Variants in CROCC2 observed in about 807,000 individuals in gnomAD.
The protein encoded by CROCC2 is ciliary rootlet coiled-coil, rootletin family member 2.
CROCC2 carries 163 observed loss-of-function variants against 177.6 expected under a neutral mutation model. The ratio of observed to expected loss-of-function variants is 0.92; its 90% CI spans 0.81 to 1.05. The LOEUF is 1.05. CROCC2 is among the 50% of genes least tolerant of loss of function. CROCC2 has a pLI of 0.00. For missense variants in CROCC2, 1,929 were observed against 1,797.8 expected (o/e 1.07, Z -1.32); for synonymous variants, 904 against 787.3 (o/e 1.15, Z -2.48).
chr2:240,922,687 G>C, intron 4 of CROCC2, 42 bp downstream of exon 4: 1 of 536,598 alleles, frequency 1.9e-6, no homozygotes. Flanking sequence ...AGGAAGCACA[G>C]CCATCCCCCC....
At chr2:240,981,711 C>G (rs1559191005) in intron 27 of CROCC2, 2 of 152,118 alleles carry the variant, frequency 1.3e-5, no homozygotes, top group African/African-American at 4.8e-5. Flanking sequence ...CAAGCATTGT[C>G]TTCCTTCTTT....
In CROCC2 at chr2:240,925,733, C is replaced by T. The variant is rs575309452; in HGVS notation, c.498C>T (p.Gly166=). The stretch of plus-strand genomic sequence containing the variant: ...TGGGTTCTCTGTCCAGGAGCACCGG[C>T]CTCTGTCAGGTGAACGCGCTCCTGC... ...RLEAAEERST[G]LCQVNALLRE... is the part of the protein sequence containing the mutation. Residue 166 remains glycine (G), a synonymous_variant, in exon 5 of 32, where the codon GGC becomes GGT. Coordinates refer to ENST00000690015, the MANE Select transcript of CROCC2 (RefSeq NM_001351305.2). The T allele has an allele frequency of 1.4e-6, 1 of 715,876 alleles. No individual in the cohort carries two copies. Among genetic ancestry groups the T allele is most frequent in the Non-Finnish European group, 2.6e-6 (1 of 384,416 alleles). 44.3% of individuals were successfully genotyped at this position (715,876 alleles called of 1,614,324 possible).
intron 18 of CROCC2, among the ~76,000 whole-genome samples, chr2:240,952,531 G>A (rs1439396882): frequency 6.6e-6 from 1 of 152,256 alleles, no homozygotes; most frequent in African/African-American, 2.4e-5. Flanking sequence ...GGGCACTGAG[G>A]TCTGTGCTCT....
chr2:240,968,327 C>T (rs2059698764), intron 27 of CROCC2, 65 bp downstream of exon 27: 1 of 1,448,826 alleles, frequency 6.9e-7, no homozygotes. Flanking sequence ...GTCACCCTCA[C>T]ACCCTGCAGG....
At chr2:240,939,083 A>G (rs1486686942) in intron 14 of CROCC2, among the ~76,000 whole-genome samples, 1 of 152,182 alleles carries the variant, frequency 6.6e-6, no homozygotes, top group Admixed American at 6.5e-5. Flanking sequence ...CACCCAAGGC[A>G]ATCATGGGGA....
chr2:240,991,773 A>G (rs1225750265), intron 31 of CROCC2, among the ~76,000 whole-genome samples: 2 of 152,246 alleles, frequency 1.3e-5, no homozygotes, highest in Non-Finnish European at 2.9e-5. Context: ...AGGCCCTGTC[A>G]GGCTGGCTTC....
chr2:240,936,432 C>T (rs905892146), intron 14 of CROCC2, among the ~76,000 whole-genome samples: 44 of 152,174 alleles, frequency 2.9e-4, no homozygotes, highest in African/African-American at 9.2e-4. Context: ...ATAAATGGAG[C>T]CATGCAGTGT....
Position 240,933,850 on chromosome 2 carries a change from C to T in CROCC2, c.1644C>T (p.Thr548=). 6.5e-7 allele frequency: 1 copy of T among 1,544,016 alleles called. No individual in the cohort carries two copies. The highest frequency in any genetic ancestry group is 8.7e-7 in the Non-Finnish European group (1 of 1,143,926). The change falls in exon 11 of 32, where the codon ACC becomes ACT. Residue 548 remains threonine, a splice_region_variant and synonymous_variant. Coordinates refer to ENST00000690015, the MANE Select transcript of CROCC2 (RefSeq NM_001351305.2). ...RRERSCRALE[T]SQGRLQQLEE... ...AGCGGAGCTGCAGGGCACTGGAGAC[C>T]AGGTGCGCGGCCGTGGCTGGGTGGG...
rs1007519887 is a variant in CROCC2 at position 240,966,368 on chromosome 2, C to G, written c.4105C>G (p.Arg1369Gly). The change falls in exon 25 of 32, where the codon CGG becomes GGG. Residue 1369 changes from arginine to glycine, a missense_variant. This residue lies in a region of CROCC2 where 388 missense variants were observed against 352.7 expected (regional missense o/e 1.10). Coordinates refer to ENST00000690015, the MANE Select transcript of CROCC2 (RefSeq NM_001351305.2). ...TGTGGCCACCGTGCAGGACATCCTGCGGGACTTTGTGCAGAAGCTCCGGGA... is the reference window on the plus strand; with the variant it reads ...TGTGGCCACCGTGCAGGACATCCTGGGGGACTTTGTGCAGAAGCTCCGGGA... ...MDVATVQDIL[R>G]DFVQKLREAQ... 5.0e-6 allele frequency: 2 copies of G among 402,230 alleles called. No homozygotes were observed. The highest frequency in any genetic ancestry group is 8.8e-6 in the Non-Finnish European group (2 of 227,426). 24.9% of individuals were successfully genotyped at this position (402,230 alleles called of 1,614,324 possible).
At chr2:240,983,121 G>C in intron 28 of CROCC2, 92 bp downstream of exon 28, 14 of 1,301,152 alleles carry the variant, frequency 1.1e-5, no homozygotes, top group Non-Finnish European at 1.5e-5. Context: ...TGCAGAATCA[G>C]TCCCTCAACA....
rs4675847 is a variant in CROCC2, at chr2:240,925,739, T to C, written c.504T>C (p.Cys168=). The change falls in exon 5 of 32, where the codon TGT becomes TGC. Residue 168 remains cysteine, a synonymous_variant. Coordinates refer to ENST00000690015, the MANE Select transcript of CROCC2 (RefSeq NM_001351305.2). Reference sequence around the variant, plus strand: ...CTCTGTCCAGGAGCACCGGCCTCTGTCAGGTGAACGCGCTCCTGCGGGAGC... The same window carrying C: ...CTCTGTCCAGGAGCACCGGCCTCTGCCAGGTGAACGCGCTCCTGCGGGAGC... ...EAAEERSTGL[C]QVNALLREQL... is the part of the protein sequence containing the mutation. 501,243 of 716,170 alleles carry C rather than the reference T, an allele frequency of 0.7. 179,335 individuals carry two copies. The highest frequency in any genetic ancestry group is 0.9 in the African/African-American group (51,563 of 57,366). The allele number at this position is 716,170 out of a possible 1,614,324, so 44.4% of individuals were successfully genotyped here. A position where few individuals can be genotyped will look rare whatever the true frequency, so the allele number is the denominator to read the frequency against.
chr2:240,945,937 A>T, intron 14 of CROCC2, 123 bp from the exon 15 acceptor site: 1 of 722,062 alleles, frequency 1.4e-6, no homozygotes, highest in Non-Finnish European at 2.2e-6. Flanking sequence ...TTCCACTTTC[A>T]CCTCCATGCC....
Position 240,958,312 on chromosome 2 carries a change from C to G in CROCC2, c.2944-989C>G, listed in dbSNP as rs2059606768. The G allele has an allele frequency of 1.8e-6, 1 of 548,482 alleles. No individual in the cohort carries two copies. The highest frequency in any genetic ancestry group is 2.1e-5 in the African/African-American group (1 of 48,728). 34.0% of individuals were successfully genotyped at this position (548,482 alleles called of 1,614,324 possible). A position where few individuals can be genotyped will look rare whatever the true frequency, so the allele number is the denominator to read the frequency against. ...CCATCACTGGCAGTGTTGGGGCATG[C>G]TGAGGCACAGAGCCATGGCCTAGTC... On this transcript the variant is annotated intron_variant, in intron 19 of 31. Transcript: ENST00000690015. This position sits in a 1 kb window ranked among gnomAD's most constrained non-coding sequence, Gnocchi z 6.7.
At chr2:240,911,662 C>G (rs2059289611) in intron 1 of CROCC2, among the ~76,000 whole-genome samples, 1 of 152,112 alleles carries the variant, frequency 6.6e-6, no homozygotes, top group South Asian at 2.1e-4. Context: ...CCATTCCCCC[C>G]TCTCCCAGCC....
intron 22 of CROCC2, 111 bp downstream of exon 22, chr2:240,964,736 C>G: frequency 7.5e-7 from 1 of 1,330,466 alleles, no homozygotes; most frequent in Non-Finnish European, 1.0e-6. Flanking sequence ...CTTTGAACCA[C>G]TCTGTCCCCA....
intron 26 of CROCC2, 26 bp from the exon 27 acceptor site, chr2:240,968,103 C>G (rs933289276): frequency 7.1e-7 from 1 of 1,414,696 alleles, no homozygotes; most frequent in South Asian, 1.5e-5. Flanking sequence ...ATGGGGGCCC[C>G]TCAAGCCACC....
chr2:240,916,255 C>T (rs1458490911), intron 1 of CROCC2, among the ~76,000 whole-genome samples: 1 of 151,844 alleles, frequency 6.6e-6, no homozygotes, highest in Non-Finnish European at 1.5e-5. Context: ...CCCATCCCTG[C>T]CTCTCCCCTG....
intron 14 of CROCC2, among the ~76,000 whole-genome samples, chr2:240,942,554 TTG>T (rs1420914926): frequency 6.6e-6 from 1 of 152,196 alleles, no homozygotes; most frequent in Non-Finnish European, 1.5e-5. Flanking sequence ...ATGACAGACT[TTG>T]TGTTTTTGTA....
At position 240,958,053 on chromosome 2, in the gene CROCC2, C is replaced by A; in HGVS notation, c.2944-1248C>A. The A allele has an allele frequency of 1.0e-6, 1 of 985,416 alleles. No homozygotes were observed. Among genetic ancestry groups the A allele is most frequent in the East Asian group, 1.1e-4 (1 of 8,812 alleles). The allele number at this position is 985,416 out of a possible 1,614,324, so 61.0% of individuals were successfully genotyped here. ...ACTCGGTACCAGGCCTGCCAGCCAG[C>A]CGGCCTTCCTGGGGAGCTCGTTAAG... On this transcript the variant is annotated intron_variant, in intron 19 of 31. Coordinates refer to ENST00000690015, the MANE Select transcript of CROCC2 (RefSeq NM_001351305.2). The surrounding 1 kb of genome is among the most constrained non-coding windows in gnomAD (Gnocchi z 6.7).
Sources: allele counts gnomAD v4.1 joint callset (sites outside exome capture counted in the v4.1 genomes callset), GRCh38; gene constraint gnomAD v4.1.1; regional missense constraint gnomAD v4.1.1; non-coding constraint Gnocchi (gnomAD v3.1); transcripts MANE v1.5; gene names NCBI Gene and HGNC (gene_info 2026-07-23, HGNC 2026-07-21).